The following DPYD variants were observed in gnomAD, a reference collection of about 807,000 sequenced individuals.
The protein encoded by DPYD is dihydropyrimidine dehydrogenase [NADP(+)].
DPYD carries 109 observed loss-of-function variants against 116.2 expected under a neutral mutation model. The observed-to-expected ratio is 0.94, with a 90% confidence interval of 0.80 to 1.10. DPYD has a LOEUF of 1.10. Ranked by LOEUF, DPYD falls within the 50% of genes least tolerant of loss-of-function variation. The probability of loss-of-function intolerance (pLI) is 0.00; values close to 1 mark genes in which losing one functional copy is unlikely to be tolerated. For missense variants in DPYD, 1,302 were observed against 1,254.5 expected, an observed-to-expected ratio of 1.04 and a Z score of -0.57; for synonymous variants, 440 against 432.0, an observed-to-expected ratio of 1.02 and a Z score of -0.23.
At chr1:97,635,896 T>A (rs1657529606) in intron 8 of DPYD, among the ~76,000 whole-genome samples, 1 of 152,164 alleles carries the variant, frequency 6.6e-6, no homozygotes. Context: ...CACGGCTCAC[T>A]GCAGCCTTGA....
At chr1:97,800,509 C>A (rs905764028) in intron 3 of DPYD, among the ~76,000 whole-genome samples, 1 of 151,920 alleles carries the variant, frequency 6.6e-6, no homozygotes, top group Admixed American at 6.6e-5. Context: ...CTTCTTTGGT[C>A]AAACTCCCAC....
At chr1:97,289,853 G>T (rs1162692657) in intron 18 of DPYD, among the ~76,000 whole-genome samples, 1 of 150,482 alleles carries the variant, frequency 6.6e-6, no homozygotes, top group Non-Finnish European at 1.5e-5. Flanking sequence ...TTAGGCAGGA[G>T]AATGAAATAA....
At chr1:97,170,646 G>T (rs921485142) in intron 20 of DPYD, among the ~76,000 whole-genome samples, 1 of 151,554 alleles carries the variant, frequency 6.6e-6, no homozygotes, top group Admixed American at 6.6e-5. Flanking sequence ...TTCTCTGGCT[G>T]TCTCTATCTT....
chr1:97,193,138 T>C lies in DPYD; in HGVS notation c.2553A>G (p.Gly851=). ...KSIEELQDWD[G]QSPATVSHQK... ...GGTGACTCACAGTAGCTGGACTCTG[T>C]CCATCCCAGTCTTGTAGTTCTTCAA... Residue 851 remains glycine, a synonymous_variant, in exon 20 of 23, where the codon GGA becomes GGG. Coordinates refer to ENST00000370192, the MANE Select transcript of DPYD (RefSeq NM_000110.4). The C allele has an allele frequency of 6.2e-7, 1 of 1,614,056 alleles. No individual in the cohort carries two copies. The highest frequency in any genetic ancestry group is 8.5e-7 in the Non-Finnish European group (1 of 1,179,956).
At chr1:97,733,132 A>C (rs574826940) in intron 4 of DPYD, among the ~76,000 whole-genome samples, 1 of 152,240 alleles carries the variant, frequency 6.6e-6, no homozygotes, top group East Asian at 1.9e-4. Context: ...TATTCAAAAA[A>C]CATATTTGGA....
At chr1:97,327,361 A>G (rs770916679) in intron 16 of DPYD, among the ~76,000 whole-genome samples, 2 of 152,034 alleles carry the variant, frequency 1.3e-5, no homozygotes, top group Non-Finnish European at 2.9e-5. Flanking sequence ...TCTTACCTTG[A>G]ATGAGAAAAG....
chr1:97,716,423 A>G (rs1662619878), intron 5 of DPYD, among the ~76,000 whole-genome samples: 1 of 152,104 alleles, frequency 6.6e-6, no homozygotes, highest in African/African-American at 2.4e-5. Context: ...GGATGCATAA[A>G]TAGACCAATG....
chr1:97,187,892 C>G (rs1321147320), intron 20 of DPYD, among the ~76,000 whole-genome samples: 1 of 152,028 alleles, frequency 6.6e-6, no homozygotes, highest in Non-Finnish European at 1.5e-5. Context: ...AGATATGTGG[C>G]TTTCTTTCTG....
At chr1:97,589,051 C>G (rs918855303) in intron 10 of DPYD, among the ~76,000 whole-genome samples, 2 of 152,128 alleles carry the variant, frequency 1.3e-5, no homozygotes, top group Non-Finnish European at 2.9e-5. Flanking sequence ...ATCAGCAACT[C>G]TAGGGACAGG....
chr1:97,270,414 A>C (rs1664502708), intron 18 of DPYD, among the ~76,000 whole-genome samples: 1 of 152,194 alleles, frequency 6.6e-6, no homozygotes, highest in Admixed American at 6.5e-5. Context: ...CTTTGTGTTA[A>C]ATCTAGAAAA....
chr1:97,411,354 C>G, intron 14 of DPYD, among the ~76,000 whole-genome samples: 1 of 151,934 alleles, frequency 6.6e-6, no homozygotes, highest in Non-Finnish European at 1.5e-5. Flanking sequence ...TTTTTTTCTG[C>G]TCTCCTTCCT....
intron 20 of DPYD, among the ~76,000 whole-genome samples, chr1:97,173,288 A>G (rs1009790673): frequency 1.4e-5 from 1 of 69,542 alleles, no homozygotes; most frequent in Non-Finnish European, 2.9e-5. Flanking sequence ...GCACACATAT[A>G]TGTACACATA....
chr1:97,248,418 T>A (rs1210077954), intron 18 of DPYD, among the ~76,000 whole-genome samples: 2 of 152,314 alleles, frequency 1.3e-5, no homozygotes, highest in East Asian at 3.9e-4. Context: ...CCTCCTTGCC[T>A]TCCACCATGA....
chr1:97,500,314 A>G (rs984495986), intron 13 of DPYD, among the ~76,000 whole-genome samples: 4 of 152,072 alleles, frequency 2.6e-5, no homozygotes, highest in Admixed American at 6.6e-5. Context: ...AAAACTGCAT[A>G]AACAGTAAAA....
At chr1:97,210,863 C>T (rs545017389) in intron 19 of DPYD, among the ~76,000 whole-genome samples, 1 of 152,234 alleles carries the variant, frequency 6.6e-6, no homozygotes, top group East Asian at 1.9e-4. Flanking sequence ...ATGTCCACAA[C>T]CATTCAATCT....
intron 20 of DPYD, among the ~76,000 whole-genome samples, chr1:97,131,894 A>C (rs942220015): frequency 6.6e-6 from 1 of 152,130 alleles, no homozygotes; most frequent in Non-Finnish European, 1.5e-5. Flanking sequence ...TCACATAACA[A>C]AAACTTTTTT....
At chr1:97,629,493 T>C (rs1192166769) in intron 8 of DPYD, among the ~76,000 whole-genome samples, 1 of 152,060 alleles carries the variant, frequency 6.6e-6, no homozygotes, top group African/African-American at 2.4e-5. Flanking sequence ...ACAGAGGCAC[T>C]AGTTCTTTTA....
chr1:97,893,429 C>CATATATATATAT (rs59336649), intron 1 of DPYD, among the ~76,000 whole-genome samples: 4,224 of 71,504 alleles, frequency 0.059, 264 homozygotes, highest in East Asian at 0.072. Context: ...ATATCCATCG[C>CATATATATATAT]ATATATATAT....
At chr1:97,721,910 A>C (rs540845493) in intron 4 of DPYD, among the ~76,000 whole-genome samples, 1 of 151,820 alleles carries the variant, frequency 6.6e-6, no homozygotes. Flanking sequence ...AATTTTGGAA[A>C]ACTGAAGTTT....
Sources: allele counts gnomAD v4.1 joint callset (sites outside exome capture counted in the v4.1 genomes callset), GRCh38; gene constraint gnomAD v4.1.1; transcripts MANE v1.5; gene names NCBI Gene and HGNC (gene_info 2026-07-23, HGNC 2026-07-21).